The following BMERB1 variants were observed in gnomAD, a reference collection of about 807,000 sequenced individuals.
The protein encoded by BMERB1 is bMERB domain-containing protein 1.
Under a neutral mutation model 23.6 loss-of-function variants are expected in BMERB1, and 12 were observed. The ratio of observed to expected loss-of-function variants is 0.51; its 90% CI spans 0.33 to 0.82. The LOEUF is 0.82. BMERB1 is among the 40% of genes least tolerant of loss of function. The probability of loss-of-function intolerance (pLI) is 0.03; values close to 1 mark genes in which losing one functional copy is unlikely to be tolerated. For synonymous variants in BMERB1, 122 were observed against 96.6 expected, an observed-to-expected ratio of 1.26 and a Z score of -1.54; for missense variants, 247 against 255.4, an observed-to-expected ratio of 0.97 and a Z score of 0.22.
chr16:15,473,012 A>G (rs1252261173), intron 1 of BMERB1, among the ~76,000 whole-genome samples: 1 of 151,924 alleles, frequency 6.6e-6, no homozygotes, highest in African/African-American at 2.4e-5. Flanking sequence ...GGCATGCGTC[A>G]CTATGCCTAG....
chr16:15,451,577 G>A (rs77258580), intron 1 of BMERB1, among the ~76,000 whole-genome samples: 4 of 22,556 alleles, frequency 1.8e-4, no homozygotes, highest in African/African-American at 6.6e-4. Context: ...TTTTTTTTTT[G>A]AGACAGGAGC....
intron 2 of BMERB1, among the ~76,000 whole-genome samples, chr16:15,553,075 T>G (rs896599744): frequency 1.3e-5 from 2 of 152,162 alleles, no homozygotes; most frequent in Non-Finnish European, 2.9e-5. Context: ...TGGTACGATC[T>G]CAGCTCACTG....
intron 1 of BMERB1, among the ~76,000 whole-genome samples, chr16:15,511,160 G>A (rs2051659713): frequency 6.6e-6 from 1 of 152,100 alleles, no homozygotes; most frequent in Admixed American, 6.6e-5. Flanking sequence ...GATGGCCCCA[G>A]GAGATCTTTA....
At chr16:15,461,834 T>C (rs535152884) in intron 1 of BMERB1, among the ~76,000 whole-genome samples, 2 of 152,168 alleles carry the variant, frequency 1.3e-5, no homozygotes, top group African/African-American at 4.8e-5. Flanking sequence ...CTTGGGAGGT[T>C]GAGGCAGGAG....
chr16:15,559,273 C>G (rs1416449103), intron 2 of BMERB1, among the ~76,000 whole-genome samples: 1 of 152,206 alleles, frequency 6.6e-6, no homozygotes, highest in Non-Finnish European at 1.5e-5. Flanking sequence ...CTAGCCAAAG[C>G]AAATGGGATT....
intron 1 of BMERB1, among the ~76,000 whole-genome samples, chr16:15,500,434 C>T (rs920905256): frequency 3.3e-5 from 5 of 151,980 alleles, no homozygotes; most frequent in African/African-American, 1.2e-4. Flanking sequence ...GGAGGTGGGA[C>T]GAGAGGGTCC....
At chr16:15,546,055 G>A (rs2029902156) in intron 2 of BMERB1, among the ~76,000 whole-genome samples, 1 of 152,168 alleles carries the variant, frequency 6.6e-6, no homozygotes, top group African/African-American at 2.4e-5. Context: ...GGGAAGCCGA[G>A]ATGGGAGGAT....
intron 1 of BMERB1, among the ~76,000 whole-genome samples, chr16:15,475,936 C>T (rs1330296203): frequency 1.3e-5 from 2 of 152,186 alleles, no homozygotes; most frequent in Non-Finnish European, 2.9e-5. Flanking sequence ...TGACTGCCCA[C>T]ATTGCTGACC....
chr16:15,587,116 A>AT lies in BMERB1; in HGVS notation c.*288dup. 1 of 424,942 alleles carries AT rather than the reference A, an allele frequency of 2.4e-6. No homozygotes were observed. The highest frequency in any genetic ancestry group is 4.4e-5 in the East Asian group (1 of 22,600). 26.3% of individuals were successfully genotyped at this position (424,942 alleles called of 1,614,324 possible). A position where few individuals can be genotyped will look rare whatever the true frequency, so the allele number is the denominator to read the frequency against. On this transcript the variant is annotated 3_prime_UTR_variant, in exon 6 of 6. Transcript: ENST00000300006. ...AGGAAAGGTCCTCCCTCAAAAAAGC[A>AT]TATCTCCACTTCTCTCTAGCTGTAT...
At chr16:15,576,912 G>C (rs1421623509) in intron 3 of BMERB1, among the ~76,000 whole-genome samples, 1 of 152,192 alleles carries the variant, frequency 6.6e-6, no homozygotes, top group Non-Finnish European at 1.5e-5. Flanking sequence ...TCTCTCTCGA[G>C]AAGTCCCTGA....
intron 1 of BMERB1, among the ~76,000 whole-genome samples, chr16:15,455,810 A>G (rs1430346542): frequency 6.6e-6 from 1 of 152,214 alleles, no homozygotes; most frequent in East Asian, 1.9e-4. Flanking sequence ...CAAGGGGTGC[A>G]GCTTTAAAAC....
At chr16:15,556,899 T>C (rs1444886644) in intron 2 of BMERB1, among the ~76,000 whole-genome samples, 3 of 152,098 alleles carry the variant, frequency 2.0e-5, no homozygotes, top group Non-Finnish European at 4.4e-5. Context: ...ATGACATCTT[T>C]TTCTCACCTG....
At chr16:15,439,273 T>G (rs753409351) in intron 1 of BMERB1, among the ~76,000 whole-genome samples, 10 of 152,194 alleles carry the variant, frequency 6.6e-5, no homozygotes, top group Non-Finnish European at 1.5e-4. Context: ...GGAAAATTGC[T>G]CAAGGTCTCT....
At chr16:15,530,903 CTT>C (rs1220558728) in intron 2 of BMERB1, among the ~76,000 whole-genome samples, 162 of 109,216 alleles carry the variant, frequency 1.5e-3, no homozygotes, top group East Asian at 4.6e-3. Flanking sequence ...TTTCTTCTTT[CTT>C]TTTTTTTTTT....
intron 1 of BMERB1, among the ~76,000 whole-genome samples, chr16:15,455,821 A>G (rs2051082978): frequency 6.6e-6 from 1 of 152,312 alleles, no homozygotes; most frequent in African/African-American, 2.4e-5. Context: ...GCTTTAAAAC[A>G]GTCTACAGTA....
At chr16:15,488,817 C>CA (rs1407097556) in intron 1 of BMERB1, among the ~76,000 whole-genome samples, 1,710 of 47,336 alleles carry the variant, frequency 0.036, 32 homozygotes, top group African/African-American at 0.099. Context: ...GACTCCGTCT[C>CA]AAAAAAAAAA....
At chr16:15,577,559 A>G (rs2030897451) in intron 3 of BMERB1, among the ~76,000 whole-genome samples, 1 of 152,192 alleles carries the variant, frequency 6.6e-6, no homozygotes, top group Non-Finnish European at 1.5e-5. Flanking sequence ...GCAGTAAAGG[A>G]CACTTGGAAG....
intron 2 of BMERB1, among the ~76,000 whole-genome samples, chr16:15,546,345 T>C (rs1381787177): frequency 6.6e-6 from 1 of 152,164 alleles, no homozygotes; most frequent in Non-Finnish European, 1.5e-5. Context: ...CCCGTCGTTC[T>C]AAGCAAAGTG....
chr16:15,561,745 T>G (rs1370042409), intron 2 of BMERB1, among the ~76,000 whole-genome samples: 1 of 152,054 alleles, frequency 6.6e-6, no homozygotes, highest in African/African-American at 2.4e-5. Flanking sequence ...ATTTAAAAAT[T>G]AGCTGAGTGT....
Sources: gnomAD v4.1 joint callset for allele counts (sites outside exome capture counted in the v4.1 genomes callset) on GRCh38, gnomAD v4.1.1 for gene constraint, MANE v1.5 for transcripts, NCBI Gene and HGNC (gene_info 2026-07-23, HGNC 2026-07-21) for gene names.